Variants in KAT6A observed in about 807,000 individuals in gnomAD.
KAT6A encodes the protein lysine acetyltransferase 6A, also known as histone acetyltransferase KAT6A.
A neutral mutation model predicts 198.4 loss-of-function variants in KAT6A; 9 were observed. That is an observed-to-expected ratio of 0.05 (90% CI 0.03 to 0.08). The LOEUF (loss-of-function observed/expected upper bound fraction) is 0.08. Among genes scored for constraint, KAT6A ranks in the 10% least tolerant of loss-of-function variants. KAT6A has a pLI of 1.00. For synonymous variants in KAT6A, 890 were observed against 883.0 expected (o/e 1.01, Z -0.14); for missense variants, 2,077 against 2,509.9 (o/e 0.83, Z 3.69).
chr8:42,012,045 T>A (rs1351620952), intron 2 of KAT6A, among the ~76,000 whole-genome samples: 2 of 152,070 alleles, frequency 1.3e-5, no homozygotes, highest in Admixed American at 6.5e-5. Flanking sequence ...AAATGCAAAT[T>A]AAAATCACAA....
chr8:42,047,344 T>C (rs892885317), intron 2 of KAT6A, among the ~76,000 whole-genome samples: 1 of 152,212 alleles, frequency 6.6e-6, no homozygotes, highest in African/African-American at 2.4e-5. Context: ...TTCAACTATA[T>C]ACAATAACAT....
At chr8:41,968,614 C>T (rs1823627556) in intron 8 of KAT6A, among the ~76,000 whole-genome samples, 1 of 152,150 alleles carries the variant, frequency 6.6e-6, no homozygotes. Flanking sequence ...ACCCAGCCAT[C>T]CCATTACTGG....
chr8:41,969,085 C>A (rs1435105847), intron 8 of KAT6A, among the ~76,000 whole-genome samples: 1 of 152,118 alleles, frequency 6.6e-6, no homozygotes, highest in Non-Finnish European at 1.5e-5. Context: ...AGCCCCTCCC[C>A]GTACCATAGT....
At chr8:41,964,175 T>C (rs539403142) in intron 8 of KAT6A, among the ~76,000 whole-genome samples, 1 of 152,312 alleles carries the variant, frequency 6.6e-6, no homozygotes, top group South Asian at 2.1e-4. Flanking sequence ...ATATTGACTC[T>C]GAAACTTAAC....
At chr8:41,978,066 T>G (rs151018576) in intron 6 of KAT6A, among the ~76,000 whole-genome samples, 1 of 152,202 alleles carries the variant, frequency 6.6e-6, no homozygotes, top group African/African-American at 2.4e-5. Context: ...CCTCCAGACA[T>G]AGCCCAGCTT....
At chr8:41,960,964 C>G (rs1564024496) in intron 8 of KAT6A, among the ~76,000 whole-genome samples, 1 of 152,120 alleles carries the variant, frequency 6.6e-6, no homozygotes, top group African/African-American at 2.4e-5. Context: ...GAAGTTATTA[C>G]CTTAATGTGA....
At chr8:41,938,945 C>G (rs994938419) in intron 15 of KAT6A, among the ~76,000 whole-genome samples, 1 of 120,934 alleles carries the variant, frequency 8.3e-6, no homozygotes, top group Non-Finnish European at 1.6e-5. Context: ...AAGACCCCAT[C>G]TGGGGAAGGA....
Position 41,929,912 on chromosome 8 carries a change from CTAACAG to C in KAT6A, c.*2287_*2292del, listed in dbSNP as rs770883409. On this transcript the variant is annotated 3_prime_UTR_variant, in exon 17 of 17. Coordinates refer to ENST00000265713, the MANE Select transcript of KAT6A (RefSeq NM_006766.5). The stretch of plus-strand genomic sequence containing the variant: ...CTTATTTTAAAAGGCATCAAAGTCA[CTAACAG>C]TGAGTTTTTAAATTTCTTTTTTAGA... 22 of 214,224 alleles carry C rather than the reference CTAACAG, an allele frequency of 1.0e-4. No homozygotes were observed. Among genetic ancestry groups the C allele is most frequent in the Non-Finnish European group, 1.6e-4 (17 of 106,064 alleles). 13.3% of individuals were successfully genotyped at this position (214,224 alleles called of 1,614,324 possible). A position where few individuals can be genotyped will look rare whatever the true frequency, so the allele number is the denominator to read the frequency against.
At chr8:41,991,692 G>A (rs927089400) in intron 2 of KAT6A, among the ~76,000 whole-genome samples, 1 of 152,164 alleles carries the variant, frequency 6.6e-6, no homozygotes, top group African/African-American at 2.4e-5. Flanking sequence ...CATCAATAGT[G>A]ATTTGGACAT....
In KAT6A at chr8:41,930,738, T is replaced by A. The variant is rs1234548548; in HGVS notation, c.*1467A>T. ...TATATATATATATATATTTTTTTTT[T>A]TTTTTTTTTTTTTTTTACCTATCCC... On this transcript the variant is annotated 3_prime_UTR_variant, in exon 17 of 17. Transcript: ENST00000265713. 6.9e-5 allele frequency: 10 copies of A among 145,352 alleles called. No individual in the cohort carries two copies. In the East Asian group the frequency reaches 9.6e-4, roughly 14 times the overall value. The allele number at this position is 145,352 out of a possible 1,614,324, so 9.0% of individuals were successfully genotyped here. A position where few individuals can be genotyped will look rare whatever the true frequency, so the allele number is the denominator to read the frequency against.
chr8:41,959,931 G>C (rs1823110275), intron 8 of KAT6A, among the ~76,000 whole-genome samples: 1 of 151,744 alleles, frequency 6.6e-6, no homozygotes, highest in Admixed American at 6.6e-5. Flanking sequence ...ACTCCAGCCT[G>C]GGCAACAGTG....
At chr8:41,986,219 G>A (rs937752392) in intron 3 of KAT6A, among the ~76,000 whole-genome samples, 2 of 152,210 alleles carry the variant, frequency 1.3e-5, no homozygotes, top group Non-Finnish European at 2.9e-5. Context: ...GATTACAGGC[G>A]TAAGCCACTG....
chr8:41,984,520 T>C (rs1386721351), intron 3 of KAT6A, among the ~76,000 whole-genome samples: 1 of 152,142 alleles, frequency 6.6e-6, no homozygotes, highest in East Asian at 1.9e-4. Context: ...TCATGAAAGA[T>C]ACCAAGTCAA....
chr8:41,975,821 T>C lies in KAT6A; in HGVS notation c.1364-999A>G, dbSNP rs145201432. ...GATACACTTGCTCTAACAATTTCTATTTCAAAAGCTTTCTAGTAGATTCTT... is the reference window on the plus strand; with the variant it reads ...GATACACTTGCTCTAACAATTTCTACTTCAAAAGCTTTCTAGTAGATTCTT... On this transcript the variant is annotated intron_variant, in intron 7 of 16. Coordinates refer to ENST00000265713, the MANE Select transcript of KAT6A (RefSeq NM_006766.5). Among the ~76,000 whole-genome samples the C allele has an allele frequency of 1.2e-4, 19 of 152,332 alleles. No individual in the cohort carries two copies. In the East Asian group the frequency reaches 3.3e-3, roughly 26 times the overall value.
chr8:41,970,180 G>C lies in KAT6A; in HGVS notation c.1482+4524C>G, dbSNP rs115368397. Among the ~76,000 whole-genome samples the C allele has an allele frequency of 3.3e-3, 496 of 152,264 alleles. 2 individuals carry two copies. The highest frequency in any genetic ancestry group is 0.012 in the African/African-American group (478 of 41,536). On this transcript the variant is annotated intron_variant, in intron 8 of 16. Transcript: ENST00000265713. ...GTTTGCCCTATAGTTCTGGTACCAA[G>C]GCAGGTGCATGATGCTAAATGAATA...
intron 8 of KAT6A, among the ~76,000 whole-genome samples, chr8:41,962,696 T>C (rs1046264120): frequency 9.9e-5 from 15 of 151,772 alleles, no homozygotes; most frequent in African/African-American, 2.7e-4. Flanking sequence ...TCCCATCTCA[T>C]TCAGAGTAAA....
At chr8:41,970,505 T>C (rs546056108) in intron 8 of KAT6A, among the ~76,000 whole-genome samples, 3 of 152,284 alleles carry the variant, frequency 2.0e-5, no homozygotes, top group East Asian at 1.9e-4. Context: ...CAGAAGAAAA[T>C]TTCATTCAAT....
intron 2 of KAT6A, among the ~76,000 whole-genome samples, chr8:41,988,742 G>A (rs767844865): frequency 5.3e-5 from 8 of 152,208 alleles, no homozygotes; most frequent in African/African-American, 1.2e-4. Flanking sequence ...GCTATCAACT[G>A]TGCACAGCAA....
At chr8:41,939,635 C>A (rs1452904594) in intron 15 of KAT6A, among the ~76,000 whole-genome samples, 2 of 152,138 alleles carry the variant, frequency 1.3e-5, no homozygotes, top group African/African-American at 4.8e-5. Context: ...AATATATTAC[C>A]CCATTCTAAT....
Sources: allele counts gnomAD v4.1 joint callset (sites outside exome capture counted in the v4.1 genomes callset), GRCh38; gene constraint gnomAD v4.1.1; transcripts MANE v1.5; gene names NCBI Gene and HGNC (gene_info 2026-07-23, HGNC 2026-07-21).